The following ISM1 variants were observed in gnomAD, a reference collection of about 807,000 sequenced individuals.
The protein encoded by ISM1 is isthmin 1.
Under a neutral mutation model 46.3 loss-of-function variants are expected in ISM1, and 25 were observed. The ratio of observed to expected loss-of-function variants is 0.54; its 90% CI spans 0.39 to 0.75. ISM1 has a LOEUF of 0.75. ISM1 is among the 30% of genes least tolerant of loss of function. ISM1 has a pLI of 0.00. For missense variants in ISM1, 536 were observed against 625.4 expected, an observed-to-expected ratio of 0.86 and a Z score of 1.52; for synonymous variants, 255 against 256.7, an observed-to-expected ratio of 0.99 and a Z score of 0.06.
intron 1 of ISM1, among the ~76,000 whole-genome samples, chr20:13,233,324 G>C (rs530185413): frequency 6.6e-6 from 1 of 152,040 alleles, no homozygotes; most frequent in Non-Finnish European, 1.5e-5. Flanking sequence ...TGCCGGGCGC[G>C]GTGGCTCATG....
At chr20:13,226,349 A>G (rs1298139188) in intron 1 of ISM1, among the ~76,000 whole-genome samples, 1 of 152,086 alleles carries the variant, frequency 6.6e-6, no homozygotes, top group African/African-American at 2.4e-5. Flanking sequence ...GTCAATAGCC[A>G]TTTGTGTTTC....
At chr20:13,322,951 A>C in the ISM1 span, among the ~76,000 whole-genome samples, 3 of 152,208 alleles carry the variant, frequency 2.0e-5, no homozygotes, top group Non-Finnish European at 2.9e-5. Context: ...TGGGTTAAAA[A>C]GAGTCCCTGG....
At chr20:13,284,455 C>T (rs970261020) in intron 3 of ISM1, among the ~76,000 whole-genome samples, 36 of 152,146 alleles carry the variant, frequency 2.4e-4, no homozygotes, top group East Asian at 1.9e-4. Context: ...TTTTTCCTGC[C>T]GTTGTCATTA....
At chr20:13,285,077 A>G (rs2040277340) in intron 3 of ISM1, among the ~76,000 whole-genome samples, 1 of 152,204 alleles carries the variant, frequency 6.6e-6, no homozygotes, top group Non-Finnish European at 1.5e-5. Flanking sequence ...GCCTGAAGCC[A>G]GGATTTCAAG....
At chr20:13,226,840 T>C (rs2039531436) in intron 1 of ISM1, among the ~76,000 whole-genome samples, 1 of 152,246 alleles carries the variant, frequency 6.6e-6, no homozygotes, top group Non-Finnish European at 1.5e-5. Context: ...CCAAACCATG[T>C]GGTTGCTTAG....
chr20:13,289,033 G>C (rs529114175), intron 4 of ISM1, among the ~76,000 whole-genome samples: 1 of 152,068 alleles, frequency 6.6e-6, no homozygotes, highest in Non-Finnish European at 1.5e-5. Context: ...TGATCCGCCC[G>C]CCTCAGCCTC....
the ISM1 span, among the ~76,000 whole-genome samples, chr20:13,306,628 A>G: frequency 6.6e-6 from 1 of 151,160 alleles, no homozygotes; most frequent in African/African-American, 2.4e-5. Flanking sequence ...AAAATTCTCT[A>G]AGGGGCCTCT....
chr20:13,323,714 A>G, the ISM1 span, among the ~76,000 whole-genome samples: 1 of 152,182 alleles, frequency 6.6e-6, no homozygotes, highest in African/African-American at 2.4e-5. Context: ...GTTAATTACT[A>G]AAAGAATGTT....
At chr20:13,247,733 G>C (rs1236461091) in intron 1 of ISM1, among the ~76,000 whole-genome samples, 1 of 152,124 alleles carries the variant, frequency 6.6e-6, no homozygotes, top group Non-Finnish European at 1.5e-5. Context: ...TAAAGGAGAG[G>C]AAACCTGACC....
chr20:13,257,392 C>A lies in ISM1; in HGVS notation c.139-13112C>A, dbSNP rs533871018. 2.6e-5 allele frequency among the ~76,000 whole-genome samples: 4 copies of A among 152,216 alleles called. No individual in the cohort carries two copies. In the Middle Eastern group the frequency reaches 0.014, roughly 518 times the overall value. On this transcript the variant is annotated intron_variant, in intron 1 of 5. Coordinates refer to ENST00000262487, the MANE Select transcript of ISM1 (RefSeq NM_080826.2). ...ATTAGCCAAGCGTGGTGGTGGATGCCTGTAATCTCAGCTACTAGGGAGGCT... is the reference window on the plus strand; with the variant it reads ...ATTAGCCAAGCGTGGTGGTGGATGCATGTAATCTCAGCTACTAGGGAGGCT...
At chr20:13,310,345 A>G in the ISM1 span, among the ~76,000 whole-genome samples, 1 of 152,204 alleles carries the variant, frequency 6.6e-6, no homozygotes, top group Non-Finnish European at 1.5e-5. Flanking sequence ...TCTTCAATAA[A>G]TGGTGCTGAG....
chr20:13,304,961 G>A (rs2040488600), downstream of ISM1, among the ~76,000 whole-genome samples: 1 of 152,034 alleles, frequency 6.6e-6, no homozygotes, highest in South Asian at 2.1e-4. Flanking sequence ...GTGCTTCCAG[G>A]GGACCCCAAA....
intron 1 of ISM1, among the ~76,000 whole-genome samples, chr20:13,264,495 C>G (rs2040021990): frequency 6.6e-6 from 1 of 152,204 alleles, no homozygotes; most frequent in Non-Finnish European, 1.5e-5. Flanking sequence ...TTATCTTCCT[C>G]CTATTGTAGT....
intron 1 of ISM1, among the ~76,000 whole-genome samples, chr20:13,264,444 C>T (rs902381929): frequency 1.3e-5 from 2 of 152,190 alleles, no homozygotes; most frequent in African/African-American, 4.8e-5. Context: ...ATGCTTAGCA[C>T]ATTTTTTCCA....
the ISM1 span, among the ~76,000 whole-genome samples, chr20:13,305,862 T>C: frequency 1.3e-5 from 2 of 152,196 alleles, no homozygotes; most frequent in African/African-American, 2.4e-5. Context: ...TGTGTAGAGA[T>C]TTAAAAAACC....
At position 13,299,165 on chromosome 20, in the gene ISM1, C is replaced by T. The variant is rs541081077; in HGVS notation, c.1101C>T (p.Tyr367=). The change falls in exon 6 of 6, where the codon TAC becomes TAT. Residue 367 remains tyrosine (Y), a synonymous_variant. Transcript: ENST00000262487. The surrounding 1 kb of genome is among the most constrained non-coding windows in gnomAD (Gnocchi z 5.8). ...AGATCTACAAGCCCACTGCCCGGTA[C>T]TGCATCCGCTCCATGCTGTCCCTGG... The part of the protein sequence containing the change: ...KLEIYKPTAR[Y]CIRSMLSLES... 4.0e-5 allele frequency: 65 copies of T among 1,609,860 alleles called. No individual in the cohort carries two copies. The East Asian group carries it at 1.4e-3, about 35-fold the overall frequency.
chr20:13,318,136 A>AAAAAAAATAAAT, the ISM1 span, among the ~76,000 whole-genome samples: 2 of 145,038 alleles, frequency 1.4e-5, no homozygotes, highest in Admixed American at 6.9e-5. Flanking sequence ...GACACTTGAA[A>AAAAAAAATAAAT]AAATAAATAA....
At chr20:13,275,432 T>C (rs1449639727) in intron 2 of ISM1, among the ~76,000 whole-genome samples, 5 of 152,188 alleles carry the variant, frequency 3.3e-5, no homozygotes, top group Admixed American at 2.6e-4. Context: ...CATGGACCCA[T>C]GCCCCTATAG....
the ISM1 span, among the ~76,000 whole-genome samples, chr20:13,316,265 G>A: frequency 0.12 from 18,483 of 151,810 alleles, 1,700 homozygotes; most frequent in East Asian, 0.43. Flanking sequence ...AATCTGAAAA[G>A]GTCTATATCT....
Sources: allele counts gnomAD v4.1 joint callset (sites outside exome capture counted in the v4.1 genomes callset), GRCh38; gene constraint gnomAD v4.1.1; non-coding constraint Gnocchi (gnomAD v3.1); transcripts MANE v1.5; gene names NCBI Gene and HGNC (gene_info 2026-07-23, HGNC 2026-07-21).